EBF3: variants seen among roughly 807,000 people sequenced by gnomAD.
The protein encoded by EBF3 is transcription factor COE3.
In EBF3, 18 loss-of-function variants were observed where a neutral mutation model predicts 77.1. The observed-to-expected ratio is 0.23, with a 90% confidence interval of 0.16 to 0.35. The LOEUF is 0.35. Ranked by LOEUF, EBF3 falls within the 10% of genes least tolerant of loss-of-function variation. The probability of loss-of-function intolerance (pLI) is 1.00; values close to 1 mark genes in which losing one functional copy is unlikely to be tolerated. For synonymous variants in EBF3, 350 were observed against 343.5 expected, an observed-to-expected ratio of 1.02 and a Z score of -0.21; for missense variants, 558 against 860.0, an observed-to-expected ratio of 0.65 and a Z score of 4.39.
rs568970597 is a variant in EBF3 at position 129,839,133 on chromosome 10, C to G, written c.1822G>C (p.Gly608Arg). ...EKTNWPFCEV[G>R]GIFHFDELML... ...AGTTCATCAAAGTGAAATATGCCAC[C>G]GACTTCACAAAAGGGCCAGTTTGTC... Residue 608 changes from glycine to arginine, a missense_variant, in exon 16 of 17, where the codon GGT (glycine) becomes CGT (arginine). Physicochemically the swap from Gly to Arg is moderately radical, Grantham distance 125. This residue lies in a region of EBF3 where 284 missense variants were observed against 368.3 expected (regional missense o/e 0.77). Transcript: ENST00000440978. 6.9e-6 allele frequency: 9 copies of G among 1,304,330 alleles called. No individual in the cohort carries two copies. Among genetic ancestry groups the G allele is most frequent in the Non-Finnish European group, 9.1e-6 (9 of 989,018 alleles). The allele number at this position is 1,304,330 out of a possible 1,614,324, so 80.8% of individuals were successfully genotyped here.
At position 129,963,012 on chromosome 10, in the gene EBF3, G is replaced by C; in HGVS notation, c.292-7C>G. ...TTTTCTCGTTGTTTGGCTCCTGAAAGTAACGATAAATAATTGCATTTAGTG... is the reference window on the plus strand; with the variant it reads ...TTTTCTCGTTGTTTGGCTCCTGAAACTAACGATAAATAATTGCATTTAGTG... On this transcript the variant is annotated splice_polypyrimidine_tract_variant and splice_region_variant and intron_variant, in intron 2 of 16. Coordinates refer to ENST00000440978, the MANE Select transcript of EBF3 (RefSeq NM_001375380.1). This position sits in a 1 kb window ranked among gnomAD's most constrained non-coding sequence, Gnocchi z 7.1. 1 of 1,614,172 alleles carries C rather than the reference G, an allele frequency of 6.2e-7. No individual in the cohort carries two copies. Among genetic ancestry groups the C allele is most frequent in the Non-Finnish European group, 8.5e-7 (1 of 1,180,000 alleles).
At chr10:129,890,659 C>A (rs1463228640) in intron 6 of EBF3, among the ~76,000 whole-genome samples, 1 of 152,236 alleles carries the variant, frequency 6.6e-6, no homozygotes, top group Non-Finnish European at 1.5e-5. Flanking sequence ...AAGCAACTTC[C>A]CCTAACAATA....
intron 6 of EBF3, among the ~76,000 whole-genome samples, chr10:129,892,793 A>G (rs1170032607): frequency 6.6e-6 from 1 of 152,208 alleles, no homozygotes; most frequent in Non-Finnish European, 1.5e-5. Flanking sequence ...CTTAAACCAC[A>G]TCGAAACGAG....
In EBF3 at chr10:129,836,554, A is replaced by AAAAT. The variant is rs1198545323; in HGVS notation, c.*1385_*1388dup. 1 of 152,552 alleles carries AAAAT rather than the reference A, an allele frequency of 6.6e-6. No individual in the cohort carries two copies. The highest frequency in any genetic ancestry group is 1.5e-5 in the Non-Finnish European group (1 of 68,036). 9.4% of individuals were successfully genotyped at this position (152,552 alleles called of 1,614,324 possible). On this transcript the variant is annotated 3_prime_UTR_variant, in exon 17 of 17. Transcript: ENST00000440978. ...CAAAAGTATTTGTTCAGATAACTTAAAAATAATATAAAAATAAACAATGAA... is the reference window on the plus strand; with the variant it reads ...CAAAAGTATTTGTTCAGATAACTTAAAAATAAATAATATAAAAATAAACAATGAA...
intron 16 of EBF3, among the ~76,000 whole-genome samples, chr10:129,838,752 A>G (rs975017814): frequency 2.0e-5 from 3 of 152,266 alleles, no homozygotes; most frequent in Non-Finnish European, 4.4e-5. Flanking sequence ...TAATTTATGT[A>G]TAACATATTA....
At chr10:129,892,546 T>C (rs1165389318) in intron 6 of EBF3, among the ~76,000 whole-genome samples, 2 of 152,146 alleles carry the variant, frequency 1.3e-5, no homozygotes, top group Non-Finnish European at 2.9e-5. Context: ...CCGTGTTGCA[T>C]GAATGTTTAT....
intron 6 of EBF3, among the ~76,000 whole-genome samples, chr10:129,926,172 C>T (rs1189861116): frequency 6.6e-6 from 1 of 151,620 alleles, no homozygotes; most frequent in African/African-American, 2.4e-5. Flanking sequence ...GCCATTCATT[C>T]ATTCATTCAT....
chr10:129,949,193 C>A (rs1464351444), intron 6 of EBF3, among the ~76,000 whole-genome samples: 1 of 152,150 alleles, frequency 6.6e-6, no homozygotes, highest in African/African-American at 2.4e-5. Context: ...CCCAGCTACT[C>A]GGTAGGCTGA....
chr10:129,886,587 C>A (rs1441448018), intron 6 of EBF3, among the ~76,000 whole-genome samples: 3 of 152,170 alleles, frequency 2.0e-5, no homozygotes, highest in Non-Finnish European at 4.4e-5. Flanking sequence ...CCCCACGCCA[C>A]CAGGCAGCTG....
chr10:129,949,465 A>G (rs1564918884), intron 6 of EBF3, among the ~76,000 whole-genome samples: 1 of 152,204 alleles, frequency 6.6e-6, no homozygotes, highest in Non-Finnish European at 1.5e-5. Context: ...ACACTCCCCC[A>G]TGGGGCCTAA....
chr10:129,838,095 CG>C, intron 16 of EBF3, 135 bp from the exon 17 acceptor site: 1 of 1,086,378 alleles, frequency 9.2e-7, no homozygotes, highest in Non-Finnish European at 1.3e-6. Flanking sequence ...CCACCAGCCT[CG>C]GGCGTGGTTA....
At position 129,840,337 on chromosome 10, in the gene EBF3, G is replaced by A; in HGVS notation, c.1667C>T (p.Ala556Val). The change falls in exon 15 of 17, where the codon GCA becomes GTA. Residue 556 changes from alanine to valine, a missense_variant. Physicochemically the swap from Ala to Val is moderately conservative, Grantham distance 64. Transcript: ENST00000440978. ...CGCGAAGGCGCTCTTCTGTTTCACT[G>A]CGGAGATGACATTGGCAGGTGAGAA... Reference protein sequence around the residue: ...FSFSPANVISAVKQKSAFAPV... With the variant: ...FSFSPANVISVVKQKSAFAPV... 2 of 1,584,812 alleles carry A rather than the reference G, an allele frequency of 1.3e-6. No individual in the cohort carries two copies. The highest frequency in any genetic ancestry group is 1.7e-6 in the Non-Finnish European group (2 of 1,165,000).
At chr10:129,873,712 C>A in intron 7 of EBF3, 116 bp from the exon 8 acceptor site, 1 of 1,153,586 alleles carries the variant, frequency 8.7e-7, no homozygotes. Flanking sequence ...TCACGTGTTC[C>A]TGGACACTGT....
In EBF3 at chr10:129,843,215, C is replaced by G. The variant is rs1170908522; in HGVS notation, c.1129-13G>C. ...TCAGTAACACCTCCTAAAGGAAGAGCAGACAGGAGGTGATTCATGGGAGGA... is the reference window on the plus strand; with the variant it reads ...TCAGTAACACCTCCTAAAGGAAGAGGAGACAGGAGGTGATTCATGGGAGGA... On this transcript the variant is annotated splice_polypyrimidine_tract_variant and intron_variant, in intron 11 of 16. Coordinates refer to ENST00000440978, the MANE Select transcript of EBF3 (RefSeq NM_001375380.1). 1 of 1,606,736 alleles carries G rather than the reference C, an allele frequency of 6.2e-7. No homozygotes were observed. Among genetic ancestry groups the G allele is most frequent in the Admixed American group, 1.7e-5 (1 of 58,972 alleles).
intron 6 of EBF3, among the ~76,000 whole-genome samples, chr10:129,933,644 G>A (rs1857172940): frequency 6.6e-6 from 1 of 152,210 alleles, no homozygotes; most frequent in African/African-American, 2.4e-5. Flanking sequence ...AGGCACAAGC[G>A]TGGCTGAATG....
intron 15 of EBF3, among the ~76,000 whole-genome samples, chr10:129,839,706 C>A (rs1482978039): frequency 6.6e-6 from 1 of 152,218 alleles, no homozygotes; most frequent in African/African-American, 2.4e-5. Flanking sequence ...AGGTGGAGAA[C>A]CAAGGCCCAG....
chr10:129,929,090 A>G (rs1856845720), intron 6 of EBF3, among the ~76,000 whole-genome samples: 1 of 152,238 alleles, frequency 6.6e-6, no homozygotes, highest in African/African-American at 2.4e-5. Flanking sequence ...ATTCCTTGAT[A>G]GGACTCGATG....
intron 10 of EBF3, among the ~76,000 whole-genome samples, chr10:129,853,866 G>A (rs1374379675): frequency 1.3e-5 from 2 of 152,186 alleles, no homozygotes; most frequent in East Asian, 1.9e-4. Context: ...TCACCTTGAG[G>A]TTATTAAATG....
At chr10:129,890,393 C>A (rs1047394446) in intron 6 of EBF3, among the ~76,000 whole-genome samples, 1 of 152,192 alleles carries the variant, frequency 6.6e-6, no homozygotes, top group African/African-American at 2.4e-5. Context: ...CCCCAAGGCC[C>A]GGAGGGACTC....
Sources: gnomAD v4.1 joint callset for allele counts (sites outside exome capture counted in the v4.1 genomes callset) on GRCh38, gnomAD v4.1.1 for gene constraint, gnomAD v4.1.1 regional missense constraint, Gnocchi (gnomAD v3.1) non-coding constraint, MANE v1.5 for transcripts, NCBI Gene and HGNC (gene_info 2026-07-23, HGNC 2026-07-21) for gene names.